The following LRP5 variants were observed in gnomAD, a reference collection of about 807,000 sequenced individuals.
LRP5 encodes the protein LDL receptor related protein 5, also known as low-density lipoprotein receptor-related protein 5.
LRP5 carries 62 observed loss-of-function variants against 154.1 expected under a neutral mutation model. The observed-to-expected ratio is 0.40, with a 90% CI of 0.33 to 0.50. The LOEUF is 0.50. Among genes scored for constraint, LRP5 ranks in the 20% least tolerant of loss-of-function variants. LRP5 has a pLI of 0.55. For synonymous variants in LRP5, 966 were observed against 1,011.5 expected (o/e 0.96, Z 0.85); for missense variants, 1,915 against 2,336.7 (o/e 0.82, Z 3.72).
At chr11:68,366,669 T>G (rs2098631233) in intron 5 of LRP5, among the ~76,000 whole-genome samples, 1 of 152,168 alleles carries the variant, frequency 6.6e-6, no homozygotes, top group Admixed American at 6.5e-5. Flanking sequence ...GCATCTTTAA[T>G]GAAGACATGG....
chr11:68,319,647 C>T (rs770941683), intron 1 of LRP5, among the ~76,000 whole-genome samples: 13 of 152,230 alleles, frequency 8.5e-5, no homozygotes, highest in Non-Finnish European at 1.6e-4. Context: ...TGTGCCATCA[C>T]ACCCTACTTT....
intron 6 of LRP5, among the ~76,000 whole-genome samples, chr11:68,387,948 G>A (rs748316701): frequency 4.6e-5 from 7 of 152,290 alleles, no homozygotes; most frequent in South Asian, 4.1e-4. Context: ...GCCTGTGCTC[G>A]TGGCCCAGCC....
rs1429630373 is a variant in LRP5, at chr11:68,443,574, TATATATATA to T, written c.4489-2861_4489-2853del. Among the ~76,000 whole-genome samples the T allele has an allele frequency of 2.4e-4, 10 of 41,366 alleles. 1 individual carries two copies. Among genetic ancestry groups the T allele is most frequent in the African/African-American group, 9.4e-4 (8 of 8,530 alleles). 27.1% of individuals were successfully genotyped at this position (41,366 alleles called of 152,430 possible). On this transcript the variant is annotated intron_variant, in intron 21 of 22. Transcript: ENST00000294304. ...ATATATATATATATATATATATATA[TATATATATA>T]TATTTTTTTTTTTTTTGGTTATGTT...
intron 1 of LRP5, among the ~76,000 whole-genome samples, chr11:68,341,059 C>CTTTTTTTTTCTTTTTTTTTTTTT (rs2098608776): frequency 1.2e-5 from 1 of 83,494 alleles, no homozygotes; most frequent in Non-Finnish European, 2.4e-5. Flanking sequence ...GGAGATTGTT[C>CTTTTTTTTTCTTTTTTTTTTTTT]TTTTTTTTTT....
At chr11:68,429,823 T>C in intron 17 of LRP5, 123 bp downstream of exon 17, 3 of 1,307,730 alleles carry the variant, frequency 2.3e-6, no homozygotes, top group Middle Eastern at 3.6e-4. Flanking sequence ...CCAAAGCTGA[T>C]TGTGTCTTCC....
At chr11:68,410,565 C>G (rs1464306170) in intron 10 of LRP5, among the ~76,000 whole-genome samples, 2 of 152,216 alleles carry the variant, frequency 1.3e-5, no homozygotes, top group Non-Finnish European at 2.9e-5. Context: ...TTGCCAAAAC[C>G]ATGATCCAGA....
rs1382495869 is a variant in LRP5, at chr11:68,438,440, T to C, written c.4112-6T>C. 4 of 1,613,492 alleles carry C rather than the reference T, an allele frequency of 2.5e-6. No individual in the cohort carries two copies. The African/African-American group carries it at 4.0e-5, about 16-fold the overall frequency. ...TTGGCCACCTCTTTCTGTTTGTCTC[T>C]GGCAGAAATCACCAAGCCGCCCTCA... On this transcript the variant is annotated splice_polypyrimidine_tract_variant and splice_region_variant and intron_variant, in intron 19 of 22. Transcript: ENST00000294304.
intron 5 of LRP5, among the ~76,000 whole-genome samples, chr11:68,373,598 C>T (rs1379652145): frequency 6.6e-6 from 1 of 152,224 alleles, no homozygotes; most frequent in Non-Finnish European, 1.5e-5. Flanking sequence ...CGATGCTGCT[C>T]TCTGCAGCTC....
chr11:68,307,826 T>C (rs1354015781), upstream of LRP5, among the ~76,000 whole-genome samples: 1 of 152,176 alleles, frequency 6.6e-6, no homozygotes, highest in Non-Finnish European at 1.5e-5. Flanking sequence ...TTAAAATAAA[T>C]GAAAAATAAA....
At chr11:68,365,731 C>T (rs536747719) in intron 5 of LRP5, 29 bp downstream of exon 5, 14 of 18,040 alleles carry the variant, frequency 7.8e-4, no homozygotes, top group African/African-American at 1.7e-3. Flanking sequence ...ACGGGGCGGG[C>T]GGGCGGGGCG....
intron 6 of LRP5, among the ~76,000 whole-genome samples, chr11:68,387,245 G>C (rs1295580900): frequency 6.6e-6 from 1 of 151,972 alleles, no homozygotes; most frequent in Non-Finnish European, 1.5e-5. Context: ...CTCCTGAGTA[G>C]CTGGGATTAC....
At chr11:68,436,863 T>C (rs1220173267) in intron 18 of LRP5, 26 bp from the exon 19 acceptor site, 26 of 1,587,890 alleles carry the variant, frequency 1.6e-5, no homozygotes, top group Non-Finnish European at 2.2e-5. Flanking sequence ...CTCCAGCCTC[T>C]CTGAGTGCAT....
chr11:68,304,499 C>T, the LRP5 span, among the ~76,000 whole-genome samples: 1 of 152,244 alleles, frequency 6.6e-6, no homozygotes, highest in African/African-American at 2.4e-5. Flanking sequence ...CATAGAGTCC[C>T]CACTGGGACA....
At chr11:68,318,988 C>T (rs1378541110) in intron 1 of LRP5, among the ~76,000 whole-genome samples, 1 of 152,146 alleles carries the variant, frequency 6.6e-6, no homozygotes, top group Non-Finnish European at 1.5e-5. Flanking sequence ...GATCCTGAGG[C>T]CTCTGGATCG....
chr11:68,382,727 G>A (rs953097682), intron 5 of LRP5, among the ~76,000 whole-genome samples: 2 of 152,156 alleles, frequency 1.3e-5, no homozygotes, highest in Admixed American at 6.5e-5. Context: ...AGTGTTTGAG[G>A]AAGCAAAGTG....
chr11:68,339,726 A>T (rs2098607833), intron 1 of LRP5, among the ~76,000 whole-genome samples: 1 of 152,108 alleles, frequency 6.6e-6, no homozygotes, highest in South Asian at 2.1e-4. Context: ...CGTTTCATTT[A>T]TCCGTTCATC....
chr11:68,449,101 C>G lies in LRP5; in HGVS notation c.*31C>G. The G allele has an allele frequency of 6.7e-7, 1 of 1,502,382 alleles. No homozygotes were observed. The highest frequency in any genetic ancestry group is 8.9e-7 in the Non-Finnish European group (1 of 1,129,488). 93.1% of individuals were successfully genotyped at this position (1,502,382 alleles called of 1,614,324 possible). On this transcript the variant is annotated 3_prime_UTR_variant, in exon 23 of 23. Transcript: ENST00000294304. ...GCCGGGCCACTCTGGCTTCTCTGTG[C>G]CCCTGTAAATAGTTTTAAATATGAA...
intron 2 of LRP5, among the ~76,000 whole-genome samples, chr11:68,357,045 C>T (rs1156765023): frequency 2.0e-5 from 3 of 151,746 alleles, no homozygotes; most frequent in Non-Finnish European, 4.4e-5. Context: ...AAATGATTCT[C>T]CTGCCTCAGC....
upstream of LRP5, among the ~76,000 whole-genome samples, chr11:68,309,445 G>A (rs2098586342): frequency 6.6e-6 from 1 of 151,518 alleles, no homozygotes; most frequent in African/African-American, 2.4e-5. Flanking sequence ...ATGTTGCCTA[G>A]GCTGGTCTTG....
Sources: allele counts gnomAD v4.1 joint callset (sites outside exome capture counted in the v4.1 genomes callset), GRCh38; gene constraint gnomAD v4.1.1; transcripts MANE v1.5; gene names NCBI Gene and HGNC (gene_info 2026-07-23, HGNC 2026-07-21).